The following CSMD3 variants were observed in gnomAD, a reference collection of about 807,000 sequenced individuals.
CSMD3 encodes CUB and Sushi multiple domains 3.
Under a neutral mutation model 435.2 loss-of-function variants are expected in CSMD3, and 177 were observed. The ratio of observed to expected loss-of-function variants is 0.41; its 90% CI spans 0.36 to 0.46. The LOEUF (loss-of-function observed/expected upper bound fraction) is 0.46, where lower values mean the gene tolerates loss of function less well. Among genes scored for constraint, CSMD3 ranks in the 20% least tolerant of loss-of-function variants. The pLI is 0.34. For synonymous variants in CSMD3, 1,656 were observed against 1,520.5 expected, an observed-to-expected ratio of 1.09 and a Z score of -2.07; for missense variants, 4,265 against 4,504.6, an observed-to-expected ratio of 0.95 and a Z score of 1.52.
intron 6 of CSMD3, among the ~76,000 whole-genome samples, chr8:112,987,102 T>A (rs2085283098): frequency 6.6e-6 from 1 of 152,018 alleles, no homozygotes; most frequent in African/African-American, 2.4e-5. Flanking sequence ...TTTATCAAGA[T>A]CATATGCATA....
chr8:112,387,463 T>TTGTG (rs1473042858), intron 36 of CSMD3, among the ~76,000 whole-genome samples: 1 of 87,218 alleles, frequency 1.1e-5, no homozygotes, highest in South Asian at 3.9e-4. Context: ...AAGTCATATA[T>TTGTG]TATGTGTGTG....
intron 57 of CSMD3, among the ~76,000 whole-genome samples, chr8:112,287,599 A>C (rs578083352): frequency 3.3e-5 from 5 of 152,218 alleles, no homozygotes; most frequent in African/African-American, 1.2e-4. Context: ...TAAAACCAAA[A>C]TTTAAAAAAA....
chr8:112,405,209 ACCCC>A lies in CSMD3; in HGVS notation c.5809+1311_5809+1314del, dbSNP rs767203561. On this transcript the variant is annotated intron_variant, in intron 35 of 70. Transcript: ENST00000297405. ...AAAAAAAAAAAAAAAAAAAAAAAAA[ACCCC>A]CATATATATATATATATATATATAT... Among the ~76,000 whole-genome samples, 5 of 31,490 alleles carry A rather than the reference ACCCC, an allele frequency of 1.6e-4. 1 individual carries two copies. The highest frequency in any genetic ancestry group is 2.4e-4 in the Non-Finnish European group (4 of 16,760). 20.7% of individuals were successfully genotyped at this position (31,490 alleles called of 152,430 possible). A position where few individuals can be genotyped will look rare whatever the true frequency, so the allele number is the denominator to read the frequency against.
chr8:112,588,565 G>A (rs554609691), intron 22 of CSMD3, among the ~76,000 whole-genome samples: 16 of 151,786 alleles, frequency 1.1e-4, no homozygotes, highest in East Asian at 3.9e-4. Flanking sequence ...TTTTAGCTGC[G>A]TACAATTATA....
At chr8:113,414,228 A>G (rs964448201) in intron 1 of CSMD3, among the ~76,000 whole-genome samples, 2 of 152,206 alleles carry the variant, frequency 1.3e-5, no homozygotes, top group African/African-American at 2.4e-5. Context: ...TGAATTGTTA[A>G]TTCTGTTTAA....
At chr8:112,792,556 G>T (rs1587311503) in intron 13 of CSMD3, among the ~76,000 whole-genome samples, 1 of 152,154 alleles carries the variant, frequency 6.6e-6, no homozygotes, top group African/African-American at 2.4e-5. Flanking sequence ...AAATTTGGGA[G>T]GAATATAAAT....
intron 50 of CSMD3, among the ~76,000 whole-genome samples, chr8:112,310,018 C>T (rs1821818090): frequency 6.6e-6 from 1 of 152,058 alleles, no homozygotes; most frequent in African/African-American, 2.4e-5. Flanking sequence ...TGCATCTTTA[C>T]ATGCTGAGTA....
intron 1 of CSMD3, among the ~76,000 whole-genome samples, chr8:113,355,749 T>TACACACACACACAC (rs1554618938): frequency 1.2e-5 from 1 of 81,316 alleles, no homozygotes; most frequent in African/African-American, 5.6e-5. Context: ...TATATATATA[T>TACACACACACACAC]ACACACACAC....
chr8:112,509,586 T>A (rs1822884640), intron 28 of CSMD3, among the ~76,000 whole-genome samples: 1 of 152,180 alleles, frequency 6.6e-6, no homozygotes, highest in African/African-American at 2.4e-5. Context: ...TAATTGTTGA[T>A]CTTTATCTTA....
intron 32 of CSMD3, among the ~76,000 whole-genome samples, chr8:112,424,026 A>C (rs1052422288): frequency 3.3e-5 from 5 of 152,216 alleles, no homozygotes; most frequent in Non-Finnish European, 5.9e-5. Context: ...TATTCATAGA[A>C]TTCTATAAAG....
intron 4 of CSMD3, among the ~76,000 whole-genome samples, chr8:113,110,770 G>A (rs925873036): frequency 1.3e-5 from 2 of 152,104 alleles, no homozygotes; most frequent in African/African-American, 4.8e-5. Context: ...ACATGTTTAG[G>A]TATTGTTGCA....
chr8:112,893,053 GCTA>G (rs1564074214), intron 10 of CSMD3, among the ~76,000 whole-genome samples: 1 of 150,958 alleles, frequency 6.6e-6, no homozygotes, highest in Non-Finnish European at 1.5e-5. Context: ...TGCTGCTGCT[GCTA>G]CTACTACTAC....
At chr8:113,056,319 T>A (rs1379294102) in intron 5 of CSMD3, among the ~76,000 whole-genome samples, 2 of 152,152 alleles carry the variant, frequency 1.3e-5, no homozygotes, top group Non-Finnish European at 2.9e-5. Flanking sequence ...AAGAAAACTT[T>A]CAATGACAGC....
At chr8:112,820,825 C>G (rs947538557) in intron 12 of CSMD3, among the ~76,000 whole-genome samples, 1 of 151,992 alleles carries the variant, frequency 6.6e-6, no homozygotes, top group Non-Finnish European at 1.5e-5. Context: ...TCACCACCAC[C>G]GCCAACCAGT....
At chr8:112,992,822 T>C (rs1170465695) in intron 6 of CSMD3, among the ~76,000 whole-genome samples, 1 of 151,652 alleles carries the variant, frequency 6.6e-6, no homozygotes, top group African/African-American at 2.4e-5. Flanking sequence ...TGCCTCTGTG[T>C]GTGTGTGTGT....
chr8:112,390,053 C>T (rs988247971), intron 36 of CSMD3, among the ~76,000 whole-genome samples: 2 of 152,166 alleles, frequency 1.3e-5, no homozygotes, highest in Non-Finnish European at 2.9e-5. Context: ...ATTGCTTACT[C>T]CTGATACGTA....
At chr8:112,860,173 C>T (rs1347835255) in intron 10 of CSMD3, among the ~76,000 whole-genome samples, 1 of 151,680 alleles carries the variant, frequency 6.6e-6, no homozygotes, top group African/African-American at 2.4e-5. Flanking sequence ...CAGCCCAGGT[C>T]TTCTGATTCA....
chr8:112,427,594 C>T (rs990367735), intron 32 of CSMD3, among the ~76,000 whole-genome samples: 2 of 152,118 alleles, frequency 1.3e-5, no homozygotes, highest in Non-Finnish European at 1.5e-5. Context: ...TTGGGTATTT[C>T]CTTACAGCAA....
At chr8:113,048,722 C>A (rs189229297) in intron 5 of CSMD3, among the ~76,000 whole-genome samples, 53 of 152,268 alleles carry the variant, frequency 3.5e-4, no homozygotes, top group African/African-American at 1.0e-3. Context: ...ATTAAGATGA[C>A]AGCAGAAAAA....
Sources: allele counts gnomAD v4.1 joint callset (sites outside exome capture counted in the v4.1 genomes callset), GRCh38; gene constraint gnomAD v4.1.1; transcripts MANE v1.5; gene names NCBI Gene and HGNC (gene_info 2026-07-23, HGNC 2026-07-21).